Variants in ADGRB3 observed in about 807,000 individuals in gnomAD.
ADGRB3 encodes the protein brain-specific angiogenesis inhibitor 3.
Under a neutral mutation model 193.4 loss-of-function variants are expected in ADGRB3, and 37 were observed. The observed-to-expected ratio is 0.19, with a 90% confidence interval of 0.15 to 0.25. ADGRB3 has a LOEUF of 0.25. Ranked by LOEUF, ADGRB3 falls within the 10% of genes least tolerant of loss-of-function variation. ADGRB3 has a pLI of 1.00. For synonymous variants in ADGRB3, 690 were observed against 644.2 expected, an observed-to-expected ratio of 1.07 and a Z score of -1.08; for missense variants, 1,637 against 1,852.9, an observed-to-expected ratio of 0.88 and a Z score of 2.14.
chr6:68,950,246 A>G (rs907409213), intron 6 of ADGRB3, among the ~76,000 whole-genome samples: 1 of 152,046 alleles, frequency 6.6e-6, no homozygotes, highest in African/African-American at 2.4e-5. Context: ...TTGTAGCAAC[A>G]CGGTCCCACT....
At chr6:68,838,538 A>T (rs867298288) in intron 3 of ADGRB3, among the ~76,000 whole-genome samples, 4 of 152,310 alleles carry the variant, frequency 2.6e-5, no homozygotes, top group Middle Eastern at 3.4e-3. Flanking sequence ...TTCAGATTAG[A>T]TGTCATGACA....
At chr6:69,212,361 T>A (rs1765685262) in intron 17 of ADGRB3, among the ~76,000 whole-genome samples, 1 of 152,150 alleles carries the variant, frequency 6.6e-6, no homozygotes, top group Admixed American at 6.5e-5. Flanking sequence ...TAAGACTGTT[T>A]AAGAGTATTT....
At chr6:68,670,121 AT>A (rs1768908596) in intron 3 of ADGRB3, among the ~76,000 whole-genome samples, 1 of 151,588 alleles carries the variant, frequency 6.6e-6, no homozygotes, top group Admixed American at 6.6e-5. Flanking sequence ...GGGTTATTGG[AT>A]TTTTTTCTTA....
intron 17 of ADGRB3, among the ~76,000 whole-genome samples, chr6:69,083,589 A>G (rs1240366195): frequency 1.3e-5 from 2 of 152,152 alleles, no homozygotes; most frequent in Non-Finnish European, 1.5e-5. Flanking sequence ...ATGGGTGGAT[A>G]GATCAAGATG....
chr6:69,308,918 A>G (rs1019032742), intron 20 of ADGRB3, among the ~76,000 whole-genome samples: 9 of 151,700 alleles, frequency 5.9e-5, no homozygotes, highest in African/African-American at 2.2e-4. Flanking sequence ...GAACTTAATC[A>G]TATGACCTCA....
chr6:69,256,808 T>G (rs1241031127), intron 20 of ADGRB3, among the ~76,000 whole-genome samples: 1 of 152,248 alleles, frequency 6.6e-6, no homozygotes, highest in African/African-American at 2.4e-5. Context: ...GCTTCCAGTT[T>G]TTGCCCATTC....
At chr6:69,313,076 A>G (rs1464024354) in intron 20 of ADGRB3, among the ~76,000 whole-genome samples, 2 of 151,884 alleles carry the variant, frequency 1.3e-5, no homozygotes, top group African/African-American at 4.8e-5. Context: ...AAGGTCACAC[A>G]TTTGGTAGCT....
At chr6:69,099,931 G>C (rs1001632162) in intron 17 of ADGRB3, among the ~76,000 whole-genome samples, 1 of 152,124 alleles carries the variant, frequency 6.6e-6, no homozygotes, top group Non-Finnish European at 1.5e-5. Flanking sequence ...ATGAATATTT[G>C]TGGCTCTTAT....
intron 28 of ADGRB3, among the ~76,000 whole-genome samples, chr6:69,356,598 A>G (rs191860566): frequency 2.9e-4 from 44 of 152,274 alleles, no homozygotes; most frequent in Non-Finnish European, 5.6e-4. Flanking sequence ...ACATGGAGAC[A>G]TAAGATTTCC....
chr6:69,047,711 C>T lies in ADGRB3; in HGVS notation c.2108-474C>T, dbSNP rs547056564. 7.2e-5 allele frequency among the ~76,000 whole-genome samples: 11 copies of T among 152,078 alleles called. No individual in the cohort carries two copies. The South Asian group carries it at 2.3e-3, about 32-fold the overall frequency. On this transcript the variant is annotated intron_variant, in intron 13 of 31. Coordinates refer to ENST00000370598, the MANE Select transcript of ADGRB3 (RefSeq NM_001704.3). Reference sequence around the variant, plus strand: ...TTTGTTCTCCATTTCTTCAGAGTACCCTATCTAATCCATGAAAAGTTTGTT... The same window carrying T: ...TTTGTTCTCCATTTCTTCAGAGTACTCTATCTAATCCATGAAAAGTTTGTT...
At chr6:69,312,305 C>A (rs117144265) in intron 20 of ADGRB3, among the ~76,000 whole-genome samples, 4,857 of 151,816 alleles carry the variant, frequency 0.032, 83 homozygotes, top group Non-Finnish European at 0.035. Flanking sequence ...TGATAATGTT[C>A]TTTCACTGAT....
chr6:69,324,380 A>G (rs1768523958), intron 20 of ADGRB3, among the ~76,000 whole-genome samples: 1 of 152,128 alleles, frequency 6.6e-6, no homozygotes, highest in Non-Finnish European at 1.5e-5. Flanking sequence ...TCATGCATGT[A>G]TAAGAGCAAA....
chr6:69,040,307 C>CTCTTTCCT (rs1770993526), intron 13 of ADGRB3, among the ~76,000 whole-genome samples: 2 of 94,758 alleles, frequency 2.1e-5, no homozygotes, highest in African/African-American at 8.9e-5. Flanking sequence ...CTTTCTCTGT[C>CTCTTTCCT]TCTTTCTTTC....
intron 3 of ADGRB3, among the ~76,000 whole-genome samples, chr6:68,686,925 T>C (rs1274507196): frequency 1.3e-5 from 2 of 152,204 alleles, no homozygotes; most frequent in Admixed American, 6.5e-5. Flanking sequence ...AGGTATAACC[T>C]GACAATCTAA....
intron 3 of ADGRB3, among the ~76,000 whole-genome samples, chr6:68,722,597 TTC>T (rs1308399652): frequency 2.0e-5 from 3 of 147,268 alleles, no homozygotes; most frequent in Non-Finnish European, 3.0e-5. Flanking sequence ...TTAAATTTAT[TTC>T]TTTTTCTTTT....
chr6:68,830,964 A>AAC (rs1190057730), intron 3 of ADGRB3, among the ~76,000 whole-genome samples: 1 of 151,626 alleles, frequency 6.6e-6, no homozygotes, highest in Non-Finnish European at 1.5e-5. Context: ...TTAAAAAAAA[A>AAC]AAAAGAGAAT....
At chr6:69,071,847 C>T (rs1267582350) in intron 16 of ADGRB3, among the ~76,000 whole-genome samples, 2 of 152,126 alleles carry the variant, frequency 1.3e-5, no homozygotes, top group East Asian at 1.9e-4. Flanking sequence ...TAGCTTCTCT[C>T]TTTTCCTCTC....
In ADGRB3 at chr6:68,943,736, CTATT is replaced by C; in HGVS notation, c.1031-91_1031-88del. 6.8e-6 allele frequency: 7 copies of C among 1,022,634 alleles called. No individual in the cohort carries two copies. In the South Asian group the frequency reaches 1.2e-4, roughly 17 times the overall value. 63.3% of individuals were successfully genotyped at this position (1,022,634 alleles called of 1,614,324 possible). A position where few individuals can be genotyped will look rare whatever the true frequency, so the allele number is the denominator to read the frequency against. Reference sequence around the variant, plus strand: ...AGTTTTAACATATCTTTACATTTGTCTATTTAATGAGTTTTGCTTTTTAATTATA... The same window carrying C: ...AGTTTTAACATATCTTTACATTTGTCTAATGAGTTTTGCTTTTTAATTATA... On this transcript the variant is annotated intron_variant, in intron 5 of 31. Coordinates refer to ENST00000370598, the MANE Select transcript of ADGRB3 (RefSeq NM_001704.3).
At chr6:69,216,736 C>T (rs1561955846) in intron 17 of ADGRB3, among the ~76,000 whole-genome samples, 2 of 152,284 alleles carry the variant, frequency 1.3e-5, no homozygotes, top group South Asian at 2.1e-4. Flanking sequence ...ACAGAATAAC[C>T]AGAAAGAGGC....
Sources: gnomAD v4.1 joint callset for allele counts (sites outside exome capture counted in the v4.1 genomes callset) on GRCh38, gnomAD v4.1.1 for gene constraint, MANE v1.5 for transcripts, NCBI Gene and HGNC (gene_info 2026-07-23, HGNC 2026-07-21) for gene names.